Variants in IL21R observed in about 807,000 individuals in gnomAD.
The protein encoded by IL21R is interleukin-21 receptor.
In IL21R, 14 loss-of-function variants were observed where a neutral mutation model predicts 41.3. The ratio of observed to expected loss-of-function variants is 0.34; its 90% CI spans 0.22 to 0.53. The LOEUF is 0.53. Ranked by LOEUF, IL21R falls within the 20% of genes least tolerant of loss-of-function variation. The pLI, the probability that IL21R is intolerant of heterozygous loss-of-function variation, is 0.94. For synonymous variants in IL21R, 286 were observed against 287.6 expected, an observed-to-expected ratio of 0.99 and a Z score of 0.05; for missense variants, 588 against 681.6, an observed-to-expected ratio of 0.86 and a Z score of 1.53.
chr16:27,417,159 TTTTC>T (rs1480957335), intron 1 of IL21R, among the ~76,000 whole-genome samples: 32 of 91,978 alleles, frequency 3.5e-4, no homozygotes, highest in South Asian at 3.2e-3. Flanking sequence ...TTCTTTTTTC[TTTTC>T]TTTTTTTTTT....
rs142467342 is a variant in IL21R at position 27,425,658 on chromosome 16, C to T, written c.-16-4398C>T. ...ACCTCCGCCTCTTCCTGGGTTCAAG[C>T]AATTCTCCTGTCTCAGCCTCCTGAG... On this transcript the variant is annotated intron_variant, in intron 1 of 8. Coordinates refer to ENST00000337929, the MANE Select transcript of IL21R (RefSeq NM_181078.3). 1.1e-3 allele frequency among the ~76,000 whole-genome samples: 167 copies of T among 152,098 alleles called. 3 individuals are homozygous for T. Among genetic ancestry groups the T allele is most frequent in the African/African-American group, 3.7e-3 (152 of 41,466 alleles).
intron 2 of IL21R, among the ~76,000 whole-genome samples, chr16:27,432,049 C>G (rs1242212597): frequency 6.6e-6 from 1 of 152,248 alleles, no homozygotes; most frequent in African/African-American, 2.4e-5. Context: ...TCGTCCAGCC[C>G]TCTTATAGCA....
At chr16:27,429,688 C>T (rs1442205270) in intron 1 of IL21R, among the ~76,000 whole-genome samples, 8 of 152,144 alleles carry the variant, frequency 5.3e-5, no homozygotes, top group African/African-American at 7.2e-5. Flanking sequence ...GCAGGAGGAT[C>T]GCTTGAGCCC....
rs3093287 is a variant in IL21R at position 27,426,813 on chromosome 16, CT to C, written c.-16-3239del. Reference sequence around the variant, plus strand: ...ATCTTCTGGCTTCAAATTCTGAGCCCTTTTCTCAACTCCACTGTGTCAGGGA... The same window carrying C: ...ATCTTCTGGCTTCAAATTCTGAGCCCTTTCTCAACTCCACTGTGTCAGGGA... On this transcript the variant is annotated intron_variant, in intron 1 of 8. Transcript: ENST00000337929. 3.2e-3 allele frequency among the ~76,000 whole-genome samples: 494 copies of C among 152,322 alleles called. 2 individuals carry two copies. Among genetic ancestry groups the C allele is most frequent in the Middle Eastern group, 0.014 (4 of 294 alleles).
chr16:27,412,383 TCTTCTCCTTCTC>T (rs372615173), intron 1 of IL21R, among the ~76,000 whole-genome samples: 4 of 151,740 alleles, frequency 2.6e-5, no homozygotes, highest in Non-Finnish European at 5.9e-5. Flanking sequence ...CCTCCAGCTT[TCTTCTCCTTCTC>T]CTTCTCCTTC....
At chr16:27,417,971 A>G (rs1419933286) in intron 1 of IL21R, among the ~76,000 whole-genome samples, 4 of 151,790 alleles carry the variant, frequency 2.6e-5, no homozygotes, top group Non-Finnish European at 5.9e-5. Context: ...TTTTAAAATA[A>G]TAAATTAACT....
intron 3 of IL21R, among the ~76,000 whole-genome samples, chr16:27,437,029 C>T (rs1288815280): frequency 6.6e-6 from 1 of 152,104 alleles, no homozygotes; most frequent in Non-Finnish European, 1.5e-5. Flanking sequence ...AAGCCATGAT[C>T]ACACTACTAT....
chr16:27,414,599 T>C (rs2086870229), intron 1 of IL21R, among the ~76,000 whole-genome samples: 1 of 141,572 alleles, frequency 7.1e-6, no homozygotes, highest in Non-Finnish European at 1.6e-5. Context: ...GTCTACCATC[T>C]TGCTATTTGT....
At position 27,449,154 on chromosome 16, in the gene IL21R, C is replaced by A; in HGVS notation, c.1488C>A (p.Gly496=). ...ACACGTTTGACAGTGGCTTTGTGGG[C>A]TCTGACTGCAGCAGCCCTGTGGAGT... ...DMDTFDSGFV[G]SDCSSPVECD... Residue 496 remains glycine (G), a synonymous_variant, in exon 9 of 9, where the codon GGC becomes GGA. Transcript: ENST00000337929. 1 of 1,613,222 alleles carries A rather than the reference C, an allele frequency of 6.2e-7. No individual in the cohort carries two copies. Among genetic ancestry groups the A allele is most frequent in the African/African-American group, 1.3e-5 (1 of 75,050 alleles).
chr16:27,435,913 C>T lies in IL21R; in HGVS notation c.152+1464C>T, dbSNP rs3093399. ...CCTCCCAAGTATCTGGGATTGCATC[C>T]AGGTGTGCACCACCATGCCTGGCTA... On this transcript the variant is annotated intron_variant, in intron 3 of 8. Transcript: ENST00000337929. Among the ~76,000 whole-genome samples the T allele has an allele frequency of 1.9e-3, 291 of 152,296 alleles. 1 individual carries two copies. The highest frequency in any genetic ancestry group is 6.8e-3 in the Middle Eastern group (2 of 294).
At chr16:27,447,085 GC>G (rs2087494376) in intron 8 of IL21R, among the ~76,000 whole-genome samples, 1 of 152,180 alleles carries the variant, frequency 6.6e-6, no homozygotes, top group East Asian at 1.9e-4. Flanking sequence ...ATGTTCCACT[GC>G]CCCCAGGGCA....
Position 27,444,586 on chromosome 16 carries a change from C to T in IL21R, c.552C>T (p.Ser184=). The T allele has an allele frequency of 1.3e-6, 2 of 1,569,180 alleles. No individual in the cohort carries two copies. The highest frequency in any genetic ancestry group is 1.7e-6 in the Non-Finnish European group (2 of 1,158,616). The change falls in exon 6 of 9, where the codon TCC becomes TCT. Residue 184 remains serine (S), a synonymous_variant. Transcript: ENST00000337929. ...KLISVDSRSV[S]LLPLEFRKDS... is the part of the protein sequence containing the mutation. Reference sequence around the variant, plus strand: ...TCTCAGTGGACTCAAGAAGTGTCTCCCTCCTCCCCCTGGAGTTCCGCAAAG... The same window carrying T: ...TCTCAGTGGACTCAAGAAGTGTCTCTCTCCTCCCCCTGGAGTTCCGCAAAG...
At chr16:27,445,154 C>A (rs1299310244) in intron 6 of IL21R, 23 bp from the exon 7 acceptor site, 5 of 1,567,134 alleles carry the variant, frequency 3.2e-6, no homozygotes, top group Admixed American at 3.3e-5. Flanking sequence ...TGCCATTTAA[C>A]CCTTTCTTTG....
At position 27,430,091 on chromosome 16, in the gene IL21R, C is replaced by G. The variant is rs559469718; in HGVS notation, c.20C>G (p.Ala7Gly). Residue 7 changes from alanine (A) to glycine (G), a missense_variant, in exon 2 of 9, where the codon GCC (alanine) becomes GGC (glycine). Coordinates refer to ENST00000337929, the MANE Select transcript of IL21R (RefSeq NM_181078.3). ...GTCAGCATGCCGCGTGGCTGGGCCG[C>G]CCCCTTGCTCCTGCTGCTGCTCCAG... MPRGWA[A>G]PLLLLLLQGG... The G allele has an allele frequency of 5.0e-6, 8 of 1,605,390 alleles. No homozygotes were observed. The highest frequency in any genetic ancestry group is 1.7e-5 in the Admixed American group (1 of 59,978).
chr16:27,424,698 G>C (rs2087047589), intron 1 of IL21R, among the ~76,000 whole-genome samples: 1 of 152,218 alleles, frequency 6.6e-6, no homozygotes, highest in East Asian at 1.9e-4. Context: ...CAAGTCAGGT[G>C]CACTTCACTC....
chr16:27,427,265 CAGCTCAGATAGAGG>C, intron 1 of IL21R: 1 of 985,412 alleles, frequency 1.0e-6, no homozygotes. Flanking sequence ...CCACTAGAGG[CAGCTCAGATAGAGG>C]AGCTCTTTGG....
intron 4 of IL21R, among the ~76,000 whole-genome samples, chr16:27,438,206 C>T (rs762833754): frequency 1.3e-5 from 2 of 152,114 alleles, no homozygotes; most frequent in South Asian, 2.1e-4. Flanking sequence ...GACAGCTTCC[C>T]TATTTGTAGA....
At chr16:27,440,248 T>TATATATATAGAGAG (rs1352160946) in intron 4 of IL21R, among the ~76,000 whole-genome samples, 234 of 64,000 alleles carry the variant, frequency 3.7e-3, no homozygotes, top group Non-Finnish European at 4.3e-3. Flanking sequence ...TATATATATA[T>TATATATATAGAGAG]AGAGAGAGAG....
chr16:27,434,040 G>A (rs1171069746), intron 2 of IL21R, among the ~76,000 whole-genome samples: 1 of 152,196 alleles, frequency 6.6e-6, no homozygotes, highest in South Asian at 2.1e-4. Flanking sequence ...CACAGACCTG[G>A]TGGCCGGGCG....
Sources: gnomAD v4.1 joint callset for allele counts (sites outside exome capture counted in the v4.1 genomes callset) on GRCh38, gnomAD v4.1.1 for gene constraint, MANE v1.5 for transcripts, NCBI Gene and HGNC (gene_info 2026-07-23, HGNC 2026-07-21) for gene names.